ARL8B: variants seen among roughly 807,000 people sequenced by gnomAD.
The protein encoded by ARL8B is ADP-ribosylation factor-like protein 8B.
In ARL8B, 9 loss-of-function variants were observed where a neutral mutation model predicts 30.6. That is an observed-to-expected ratio of 0.29 (90% CI 0.18 to 0.51). The LOEUF (loss-of-function observed/expected upper bound fraction) is 0.51, where lower values mean the gene tolerates loss of function less well. Ranked by LOEUF, ARL8B falls within the 20% of genes least tolerant of loss-of-function variation. ARL8B has a pLI of 0.97. For missense variants in ARL8B, 130 were observed against 227.2 expected (o/e 0.57, Z 2.75); for synonymous variants, 74 against 76.0 (o/e 0.97, Z 0.14).
intron 1 of ARL8B, among the ~76,000 whole-genome samples, chr3:5,167,517 A>G (rs982920377): frequency 8.5e-5 from 13 of 152,300 alleles, no homozygotes; most frequent in South Asian, 4.1e-4. Flanking sequence ...TCCCCCAAGG[A>G]TAAGGAGGGA....
chr3:5,172,565 C>G, intron 3 of ARL8B, 82 bp from the exon 4 acceptor site: 2 of 973,738 alleles, frequency 2.1e-6, no homozygotes, highest in Non-Finnish European at 3.1e-6. Context: ...GTAAATCTTA[C>G]AAAAATTAAA....
chr3:5,143,674 G>T (rs2054395341), intron 1 of ARL8B, among the ~76,000 whole-genome samples: 1 of 152,260 alleles, frequency 6.6e-6, no homozygotes, highest in Admixed American at 6.5e-5. Context: ...GTTGGGTGGA[G>T]CTTGTCTTCT....
At chr3:5,171,344 A>T (rs1330296437) in intron 2 of ARL8B, among the ~76,000 whole-genome samples, 1 of 152,046 alleles carries the variant, frequency 6.6e-6, no homozygotes, top group Non-Finnish European at 1.5e-5. Flanking sequence ...TGCATAAAAT[A>T]ATTTTATTTT....
intron 6 of ARL8B, among the ~76,000 whole-genome samples, chr3:5,177,939 T>G (rs758926808): frequency 6.6e-6 from 1 of 152,240 alleles, no homozygotes; most frequent in African/African-American, 2.4e-5. Flanking sequence ...ATGTTTGTTA[T>G]AGCTCAGCCC....
rs1400061261 is a variant in ARL8B, at chr3:5,174,020, C to T, written c.376C>T (p.Leu126=). 2 of 1,609,968 alleles carry T rather than the reference C, an allele frequency of 1.2e-6. No individual in the cohort carries two copies. Among genetic ancestry groups the T allele is most frequent in the Non-Finnish European group, 1.7e-6 (2 of 1,176,666 alleles). The change falls in exon 5 of 7, where the codon CTA becomes TTA. Residue 126 remains leucine, a synonymous_variant. Coordinates refer to ENST00000256496, the MANE Select transcript of ARL8B (RefSeq NM_018184.3). The part of the protein sequence containing the change: ...DKPQLQGIPV[L]VLGNKRDLPN... ...TTAATATCTTTTCTTTTTAAAGGTG[C>T]TAGTGCTTGGAAACAAGAGAGATCT... is the stretch of plus-strand genomic sequence containing the variant.
chr3:5,180,136 G>A lies in ARL8B; in HGVS notation c.*1423G>A, dbSNP rs2054765921. The A allele has an allele frequency of 6.6e-6, 1 of 152,612 alleles. No homozygotes were observed. Among genetic ancestry groups the A allele is most frequent in the Non-Finnish European group, 1.5e-5 (1 of 68,028 alleles). The allele number at this position is 152,612 out of a possible 1,614,324, so 9.5% of individuals were successfully genotyped here. A position where few individuals can be genotyped will look rare whatever the true frequency, so the allele number is the denominator to read the frequency against. ...TGTAGACTGCATTTCCAAATGTGTT[G>A]AGCACTCAGAGTGTAGTCAACAGTA... is the stretch of plus-strand genomic sequence containing the variant. On this transcript the variant is annotated 3_prime_UTR_variant, in exon 7 of 7. Coordinates refer to ENST00000256496, the MANE Select transcript of ARL8B (RefSeq NM_018184.3).
intron 1 of ARL8B, among the ~76,000 whole-genome samples, chr3:5,136,084 G>GGCCT (rs1477169148): frequency 6.6e-6 from 1 of 151,160 alleles, no homozygotes; most frequent in Non-Finnish European, 1.5e-5. Flanking sequence ...CATCACGCCT[G>GGCCT]GCCTATTATT....
chr3:5,141,746 C>T (rs1338533253), intron 1 of ARL8B, among the ~76,000 whole-genome samples: 1 of 152,204 alleles, frequency 6.6e-6, no homozygotes, highest in Non-Finnish European at 1.5e-5. Flanking sequence ...ATAACACTTA[C>T]ACCCCCTTTT....
At chr3:5,125,988 C>A (rs1472024243) in intron 1 of ARL8B, among the ~76,000 whole-genome samples, 5 of 151,966 alleles carry the variant, frequency 3.3e-5, no homozygotes, top group African/African-American at 1.2e-4. Context: ...TCATTGTACT[C>A]CATAAATGTA....
chr3:5,142,195 C>G (rs1173691056), intron 1 of ARL8B, among the ~76,000 whole-genome samples: 1 of 152,092 alleles, frequency 6.6e-6, no homozygotes, highest in Non-Finnish European at 1.5e-5. Context: ...CAGACGTTAG[C>G]CTGGGGTATA....
intron 1 of ARL8B, among the ~76,000 whole-genome samples, chr3:5,156,616 A>C (rs1490679520): frequency 1.3e-5 from 2 of 152,140 alleles, no homozygotes; most frequent in Non-Finnish European, 2.9e-5. Context: ...GGGTTTTGCC[A>C]TGTTGGCCAT....
intron 1 of ARL8B, among the ~76,000 whole-genome samples, chr3:5,169,747 A>G (rs1269483469): frequency 6.6e-6 from 1 of 152,240 alleles, no homozygotes; most frequent in Non-Finnish European, 1.5e-5. Flanking sequence ...AGATTTTCAC[A>G]TATAATCACA....
At chr3:5,128,559 GA>G (rs1424925154) in intron 1 of ARL8B, 3 of 385,508 alleles carry the variant, frequency 7.8e-6, no homozygotes, top group African/African-American at 6.4e-5. Flanking sequence ...CAAGTTAATG[GA>G]TTTTTTAAGT....
Position 5,130,520 on chromosome 3 carries a change from T to TTG in ARL8B, c.123+7946_123+7947dup, listed in dbSNP as rs199722970. On this transcript the variant is annotated intron_variant, in intron 1 of 6. Transcript: ENST00000256496. ...TTATAGTGGGATGCTGCTTGCTTGC[T>TTG]TGTGTGTGTGTGTGTTTTTTTTTTT... is the stretch of plus-strand genomic sequence containing the variant. Among the ~76,000 whole-genome samples, 11 of 151,986 alleles carry TTG rather than the reference T, an allele frequency of 7.2e-5. No homozygotes were observed. In the South Asian group the frequency reaches 8.3e-4, roughly 11 times the overall value.
chr3:5,144,397 G>T (rs1003644262), intron 1 of ARL8B, among the ~76,000 whole-genome samples: 2 of 152,126 alleles, frequency 1.3e-5, no homozygotes, highest in African/African-American at 4.8e-5. Context: ...TTTATCCTTT[G>T]ACAAGTTACA....
intron 1 of ARL8B, among the ~76,000 whole-genome samples, chr3:5,148,721 G>A (rs2054451594): frequency 6.6e-6 from 1 of 152,152 alleles, no homozygotes; most frequent in South Asian, 2.1e-4. Flanking sequence ...ATCCTCATCT[G>A]AGCCAAACTT....
intron 1 of ARL8B, among the ~76,000 whole-genome samples, chr3:5,124,247 A>G (rs1195422005): frequency 6.8e-6 from 1 of 146,838 alleles, no homozygotes; most frequent in Non-Finnish European, 1.5e-5. Context: ...TGTGTATCTA[A>G]TACCACTAAT....
rs776302140 is a variant in ARL8B, at chr3:5,174,022, A to G, written c.378A>G (p.Leu126=). 1.9e-6 allele frequency: 3 copies of G among 1,610,958 alleles called. No homozygotes were observed. The highest frequency in any genetic ancestry group is 2.5e-6 in the Non-Finnish European group (3 of 1,177,416). The part of the protein sequence containing the change: ...DKPQLQGIPV[L]VLGNKRDLPN... ...AATATCTTTTCTTTTTAAAGGTGCTAGTGCTTGGAAACAAGAGAGATCTTC... is the reference window on the plus strand; with the variant it reads ...AATATCTTTTCTTTTTAAAGGTGCTGGTGCTTGGAAACAAGAGAGATCTTC... The change falls in exon 5 of 7, where the codon CTA becomes CTG. Residue 126 remains leucine, a synonymous_variant. Coordinates refer to ENST00000256496, the MANE Select transcript of ARL8B (RefSeq NM_018184.3).
At chr3:5,148,301 C>T (rs2054447769) in intron 1 of ARL8B, among the ~76,000 whole-genome samples, 1 of 152,168 alleles carries the variant, frequency 6.6e-6, no homozygotes, top group Non-Finnish European at 1.5e-5. Flanking sequence ...CTCTGTGTCC[C>T]ATGGGAGCTT....
Sources: allele counts gnomAD v4.1 joint callset (sites outside exome capture counted in the v4.1 genomes callset), GRCh38; gene constraint gnomAD v4.1.1; transcripts MANE v1.5; gene names NCBI Gene and HGNC (gene_info 2026-07-23, HGNC 2026-07-21).